Variants in PARD3B observed in about 807,000 individuals in gnomAD.
PARD3B encodes par-3 family cell polarity regulator beta.
In PARD3B, 103 loss-of-function variants were observed where a neutral mutation model predicts 130.2. That is an observed-to-expected ratio of 0.79 (90% CI 0.67 to 0.93). The LOEUF (loss-of-function observed/expected upper bound fraction) is 0.93, where lower values mean the gene tolerates loss of function less well. Ranked by LOEUF, PARD3B falls within the 40% of genes least tolerant of loss-of-function variation. The pLI, the probability that PARD3B is intolerant of heterozygous loss-of-function variation, is 0.00. For synonymous variants in PARD3B, 583 were observed against 553.2 expected (o/e 1.05, Z -0.76); for missense variants, 1,609 against 1,499.2 (o/e 1.07, Z -1.21).
chr2:205,344,103 T>G (rs547202053), intron 18 of PARD3B, among the ~76,000 whole-genome samples: 2 of 152,118 alleles, frequency 1.3e-5, no homozygotes, highest in African/African-American at 4.8e-5. Flanking sequence ...GTTTGATCTT[T>G]TAATGGTGTT....
Position 204,906,929 on chromosome 2 carries a change from G to A in PARD3B, c.223-58223G>A, listed in dbSNP as rs188675633. On this transcript the variant is annotated intron_variant, in intron 2 of 22. Transcript: ENST00000406610. This position sits in a 1 kb window ranked among gnomAD's most constrained non-coding sequence, Gnocchi z 4.3. ...TTTTAGCATTTTTGTGGAGAATTGG[G>A]TGTATTAAAAAGTAGAAGCAAAGAT... is the stretch of plus-strand genomic sequence containing the variant. 6.6e-6 allele frequency among the ~76,000 whole-genome samples: 1 copy of A among 152,232 alleles called. No individual in the cohort carries two copies. Among genetic ancestry groups the A allele is most frequent in the African/African-American group, 2.4e-5 (1 of 41,552 alleles).
intron 2 of PARD3B, among the ~76,000 whole-genome samples, chr2:204,877,966 C>T (rs918938767): frequency 6.6e-6 from 1 of 152,130 alleles, no homozygotes; most frequent in Non-Finnish European, 1.5e-5. Context: ...GTTTCAATTT[C>T]CTGCCAAAAT....
chr2:205,593,707 C>G (rs1021789647), intron 22 of PARD3B, among the ~76,000 whole-genome samples: 11 of 152,150 alleles, frequency 7.2e-5, no homozygotes, highest in Admixed American at 7.2e-4. Flanking sequence ...TACCCTTAAA[C>G]TGAGGTCCAG....
At chr2:205,514,905 G>A (rs138932055) in intron 21 of PARD3B, among the ~76,000 whole-genome samples, 26 of 149,704 alleles carry the variant, frequency 1.7e-4, no homozygotes, top group Middle Eastern at 3.5e-3. Flanking sequence ...CTCATGTCAC[G>A]GGGGTTTGTT....
In PARD3B at chr2:204,861,924, CAAAAAA is replaced by C. The variant is rs60473341; in HGVS notation, c.223-103206_223-103201del. Among the ~76,000 whole-genome samples, 8 of 34,078 alleles carry C rather than the reference CAAAAAA, an allele frequency of 2.3e-4. No individual in the cohort carries two copies. The East Asian group carries it at 3.5e-3, about 15-fold the overall frequency. The allele number at this position is 34,078 out of a possible 152,430, so 22.4% of individuals were successfully genotyped here. ...AAGACATTTAAAAGAAGACATTTCT[CAAAAAA>C]AAAAAAAAAAAAAAAAAAAAAGAAA... On this transcript the variant is annotated intron_variant, in intron 2 of 22. Transcript: ENST00000406610.
In PARD3B at chr2:205,525,390, TTTTTTG is replaced by T. The variant is rs937707944; in HGVS notation, c.3180+25371_3180+25376del. ...AAAGAAATTCGGAGGATTAAGAGGT[TTTTTTG>T]TTTTTGTTTTTACATTGAAGATGTA... On this transcript the variant is annotated intron_variant, in intron 21 of 22. Coordinates refer to ENST00000406610, the MANE Select transcript of PARD3B (RefSeq NM_001302769.2). This position sits in a 1 kb window ranked among gnomAD's most constrained non-coding sequence, Gnocchi z 4.2. Among the ~76,000 whole-genome samples the T allele has an allele frequency of 2.0e-5, 3 of 152,266 alleles. No homozygotes were observed. The highest frequency in any genetic ancestry group is 1.9e-4 in the East Asian group (1 of 5,176).
chr2:205,251,550 C>T (rs1284503519), intron 16 of PARD3B, among the ~76,000 whole-genome samples: 1 of 152,118 alleles, frequency 6.6e-6, no homozygotes, highest in African/African-American at 2.4e-5. Context: ...ATTGGATAGT[C>T]ACTTTAATTC....
At chr2:205,182,929 C>G (rs1576105050) in intron 13 of PARD3B, among the ~76,000 whole-genome samples, 1 of 152,096 alleles carries the variant, frequency 6.6e-6, no homozygotes, top group South Asian at 2.1e-4. Flanking sequence ...TTTATCATAG[C>G]AGCCCACATT....
chr2:204,674,408 G>A (rs754480739), intron 1 of PARD3B, among the ~76,000 whole-genome samples: 23 of 151,696 alleles, frequency 1.5e-4, no homozygotes, highest in Non-Finnish European at 1.2e-4. Flanking sequence ...TTAGAGAAAC[G>A]CAGCTAACAG....
chr2:204,988,260 T>A (rs1296790178), intron 3 of PARD3B, among the ~76,000 whole-genome samples: 1 of 152,236 alleles, frequency 6.6e-6, no homozygotes, highest in East Asian at 1.9e-4. Context: ...AAATGGTGTC[T>A]GTATTTTCTC....
intron 1 of PARD3B, among the ~76,000 whole-genome samples, chr2:204,619,396 A>G (rs2034219098): frequency 6.6e-6 from 1 of 152,202 alleles, no homozygotes. Flanking sequence ...TTCTTTTGCA[A>G]AAGTAAAAAT....
chr2:204,639,542 C>G (rs1321665073), intron 1 of PARD3B, among the ~76,000 whole-genome samples: 1 of 152,206 alleles, frequency 6.6e-6, no homozygotes, highest in Admixed American at 6.5e-5. Flanking sequence ...AGACTTTTTT[C>G]TTGTCATTAT....
intron 22 of PARD3B, among the ~76,000 whole-genome samples, chr2:205,578,536 A>T (rs183792728): frequency 9.2e-5 from 14 of 152,364 alleles, no homozygotes; most frequent in Admixed American, 7.2e-4. Flanking sequence ...CTACTATGAA[A>T]CATAAATAAA....
At chr2:204,699,563 T>C (rs1559069850) in intron 2 of PARD3B, among the ~76,000 whole-genome samples, 2 of 151,638 alleles carry the variant, frequency 1.3e-5, no homozygotes, top group African/African-American at 4.8e-5. Context: ...GTGTTGGGGG[T>C]GGGGGAGATA....
chr2:205,614,792 G>C (rs1306941077), intron 22 of PARD3B, among the ~76,000 whole-genome samples: 1 of 151,978 alleles, frequency 6.6e-6, no homozygotes, highest in African/African-American at 2.4e-5. Context: ...AGGGAGGGGA[G>C]GGACATATGA....
rs1267601797 is a variant in PARD3B, at chr2:204,724,463, C to T, written c.222+38181C>T. Among the ~76,000 whole-genome samples the T allele has an allele frequency of 3.9e-5, 6 of 152,164 alleles. No individual in the cohort carries two copies. In the East Asian group the frequency reaches 7.7e-4, roughly 20 times the overall value. On this transcript the variant is annotated intron_variant, in intron 2 of 22. Transcript: ENST00000406610. ...TCTAAAATTAATTATTTGTGTCATTCATCTAGGTATTCCCTCACTAATAAA... is the reference window on the plus strand; with the variant it reads ...TCTAAAATTAATTATTTGTGTCATTTATCTAGGTATTCCCTCACTAATAAA...
rs1210759370 is a variant in PARD3B, at chr2:205,553,403, G to C, written c.3260G>C (p.Arg1087Thr). The change falls in exon 22 of 23, where the codon AGG (arginine) becomes ACG (threonine). Residue 1087 changes from arginine (R) to threonine (T), a missense_variant and splice_region_variant. Coordinates refer to ENST00000406610, the MANE Select transcript of PARD3B (RefSeq NM_001302769.2). ...GAGAGGCAGTACGCATCCTTACCCA[G>C]GTAGATCACGGAGAGGTCTCCCATC... ...GMERQYASLPRGGPADPVDYL... is the reference protein window; with the variant it reads ...GMERQYASLPTGGPADPVDYL... 1 of 1,613,450 alleles carries C rather than the reference G, an allele frequency of 6.2e-7. No individual in the cohort carries two copies. Among genetic ancestry groups the C allele is most frequent in the African/African-American group, 1.3e-5 (1 of 74,880 alleles).
intron 2 of PARD3B, among the ~76,000 whole-genome samples, chr2:204,891,332 T>G (rs1237551102): frequency 2.6e-5 from 4 of 152,164 alleles, no homozygotes; most frequent in Admixed American, 6.6e-5. Flanking sequence ...GGAGATGATA[T>G]GAACACAGAT....
chr2:204,945,168 G>T (rs1362432583), intron 2 of PARD3B, among the ~76,000 whole-genome samples: 2 of 152,196 alleles, frequency 1.3e-5, no homozygotes, highest in Non-Finnish European at 2.9e-5. Flanking sequence ...AGCAGAGAAG[G>T]AGCTTGATAA....
Sources: allele counts gnomAD v4.1 joint callset (sites outside exome capture counted in the v4.1 genomes callset), GRCh38; gene constraint gnomAD v4.1.1; non-coding constraint Gnocchi (gnomAD v3.1); transcripts MANE v1.5; gene names NCBI Gene and HGNC (gene_info 2026-07-23, HGNC 2026-07-21).